The following ARV1 variants were observed in gnomAD, a reference collection of about 807,000 sequenced individuals.
ARV1 encodes the protein protein ARV1.
In ARV1, 26 loss-of-function variants were observed where a neutral mutation model predicts 31.1. The ratio of observed to expected loss-of-function variants is 0.84; its 90% CI spans 0.61 to 1.16. The LOEUF (loss-of-function observed/expected upper bound fraction) is 1.16. Ranked by LOEUF, ARV1 falls within the 50% of genes most tolerant of loss-of-function variation. The pLI, the probability that ARV1 is intolerant of heterozygous loss-of-function variation, is 0.00. For missense variants in ARV1, 281 were observed against 324.9 expected (o/e 0.86, Z 1.04); for synonymous variants, 117 against 123.2 (o/e 0.95, Z 0.34).
At chr1:230,984,360 G>GTA (rs1678995719) in intron 1 of ARV1, among the ~76,000 whole-genome samples, 1 of 51,644 alleles carries the variant, frequency 1.9e-5, no homozygotes. Flanking sequence ...GTGTGTGTGT[G>GTA]TGCGTGTGTG....
Position 230,995,919 on chromosome 1 carries a change from A to C in ARV1, c.608A>C (p.Tyr203Ser). 6.2e-7 allele frequency: 1 copy of C among 1,614,132 alleles called. No homozygotes were observed. Residue 203 changes from tyrosine to serine, a missense_variant, in exon 4 of 6, where the codon TAC (tyrosine) becomes TCC (serine). By Grantham distance (144) the Tyr-to-Ser change is moderately radical (BLOSUM62 -2). Transcript: ENST00000310256. The part of the protein sequence containing the change: ...LIPAVIWEHD[Y>S]TSVCLKLIKV... ...CCAGCTGTCATTTGGGAACATGACTACACATCTGTGTGCCTCAAACTCATT... is the reference window on the plus strand; with the variant it reads ...CCAGCTGTCATTTGGGAACATGACTCCACATCTGTGTGCCTCAAACTCATT...
intron 3 of ARV1, among the ~76,000 whole-genome samples, chr1:230,992,516 T>C (rs1679257815): frequency 6.6e-6 from 1 of 152,264 alleles, no homozygotes; most frequent in African/African-American, 2.4e-5. Flanking sequence ...CTTTTGTTAG[T>C]GCCTTTCCCC....
At chr1:230,995,076 C>A (rs1180210678) in intron 3 of ARV1, among the ~76,000 whole-genome samples, 1 of 152,132 alleles carries the variant, frequency 6.6e-6, no homozygotes, top group Non-Finnish European at 1.5e-5. Context: ...GACTAACAAT[C>A]CTAATAAAAA....
intron 5 of ARV1, among the ~76,000 whole-genome samples, chr1:230,998,102 T>C (rs1224819374): frequency 1.3e-5 from 2 of 152,312 alleles, no homozygotes; most frequent in Non-Finnish European, 2.9e-5. Flanking sequence ...CATGTTGTGC[T>C]CAGCTTCCTC....
rs1426552240 is a variant in ARV1, at chr1:230,979,191, C to G, written c.86C>G (p.Ser29Cys). 2.5e-6 allele frequency: 4 copies of G among 1,613,312 alleles called. No individual in the cohort carries two copies. Among genetic ancestry groups the G allele is most frequent in the South Asian group, 2.2e-5 (2 of 90,952 alleles). ...GCGACTCCTACTGCTGCCTCGGCCTCCTGCCAGTACAGGTGCATCGAATGC... is the reference window on the plus strand; with the variant it reads ...GCGACTCCTACTGCTGCCTCGGCCTGCTGCCAGTACAGGTGCATCGAATGC... ...VAATPTAASA[S>C]CQYRCIECNQ... The change falls in exon 1 of 6, where the codon TCC (serine) becomes TGC (cysteine). Residue 29 changes from serine to cysteine, a missense_variant. Ser to Cys is a moderately radical substitution (Grantham distance 112). Coordinates refer to ENST00000310256, the MANE Select transcript of ARV1 (RefSeq NM_022786.3).
intron 5 of ARV1, among the ~76,000 whole-genome samples, chr1:230,998,824 T>C (rs1228885131): frequency 6.6e-6 from 1 of 152,068 alleles, no homozygotes; most frequent in Non-Finnish European, 1.5e-5. Context: ...GGTAGGATGA[T>C]TGCTTGAGCC....
In ARV1 at chr1:230,979,127, G is replaced by C. The variant is rs980353688; in HGVS notation, c.22G>C (p.Gly8Arg). 1.2e-6 allele frequency: 2 copies of C among 1,604,432 alleles called. No individual in the cohort carries two copies. Among genetic ancestry groups the C allele is most frequent in the Non-Finnish European group, 1.7e-6 (2 of 1,176,830 alleles). ...GGAAATGGGCAACGGCGGGCGGAGCGGCCTGCAGCAGGGGAAGGGGAACGT... is the reference window on the plus strand; with the variant it reads ...GGAAATGGGCAACGGCGGGCGGAGCCGCCTGCAGCAGGGGAAGGGGAACGT... MGNGGRSGLQQGKGNVDG... is the reference protein window; with the variant it reads MGNGGRSRLQQGKGNVDG... Residue 8 changes from glycine to arginine, a missense_variant, in exon 1 of 6, where the codon GGC becomes CGC. By Grantham distance (125) the Gly-to-Arg change is moderately radical. Coordinates refer to ENST00000310256, the MANE Select transcript of ARV1 (RefSeq NM_022786.3).
At chr1:230,984,363 C>CGCGTGCGTGTGTGTGTGTGTGTGTGT (rs1191353620) in intron 1 of ARV1, among the ~76,000 whole-genome samples, 1 of 129,762 alleles carries the variant, frequency 7.7e-6, no homozygotes, top group Non-Finnish European at 1.6e-5. Context: ...TGTGTGTGTG[C>CGCGTGCGTGTGTGTGTGTGTGTGTGT]GTGTGTGTGT....
rs1277866090 is a variant in ARV1 at position 231,000,712 on chromosome 1, A to G, written c.*579A>G. 2 of 152,236 alleles carry G rather than the reference A, an allele frequency of 1.3e-5. No homozygotes were observed. Among genetic ancestry groups the G allele is most frequent in the Middle Eastern group, 3.2e-3 (1 of 316 alleles). 9.4% of individuals were successfully genotyped at this position (152,236 alleles called of 1,614,324 possible). A position where few individuals can be genotyped will look rare whatever the true frequency, so the allele number is the denominator to read the frequency against. Reference sequence around the variant, plus strand: ...CTTTGCAAGGGTAAATTACATCTGAATAAAGCTGTAATTAAAAACAACACC... The same window carrying G: ...CTTTGCAAGGGTAAATTACATCTGAGTAAAGCTGTAATTAAAAACAACACC... On this transcript the variant is annotated 3_prime_UTR_variant, in exon 6 of 6. Transcript: ENST00000310256.
At chr1:230,994,186 C>T (rs746305651) in intron 3 of ARV1, among the ~76,000 whole-genome samples, 33 of 152,162 alleles carry the variant, frequency 2.2e-4, no homozygotes, top group Non-Finnish European at 4.0e-4. Context: ...AGCCTGAGGG[C>T]TGGTGTAGTT....
At chr1:231,000,728 AAAC>A (rs1424200884) in exon 6 of ARV1, 1 of 152,228 alleles carries the variant, frequency 6.6e-6, no homozygotes, top group Admixed American at 6.5e-5. Context: ...CTGTAATTAA[AAAC>A]AACACCTCTC....
chr1:230,990,346 T>C lies in ARV1; in HGVS notation c.448+83T>C, dbSNP rs145879258. On this transcript the variant is annotated intron_variant, in intron 3 of 5. Transcript: ENST00000310256. ...TTAAAACTAAGACATGTAGTCTTAATTGTTGGTAAGAAGAGCTAGTTAATA... is the reference window on the plus strand; with the variant it reads ...TTAAAACTAAGACATGTAGTCTTAACTGTTGGTAAGAAGAGCTAGTTAATA... The C allele has an allele frequency of 2.6e-4, 394 of 1,537,426 alleles. 1 individual carries two copies. In the African/African-American group the frequency reaches 4.4e-3, roughly 17 times the overall value.
chr1:230,990,600 G>T, intron 3 of ARV1: 1 of 299,356 alleles, frequency 3.3e-6, no homozygotes, highest in South Asian at 3.0e-5. Context: ...TGTTGCCTAG[G>T]CTGGAGTGCA....
chr1:230,993,367 A>T lies in ARV1; in HGVS notation c.449-2393A>T, dbSNP rs117332382. ...CATATGGGCCTCCCAAAGTGCTGAG[A>T]CTGCAGGCATCAGCCACTGTTCCTG... On this transcript the variant is annotated intron_variant, in intron 3 of 5. Transcript: ENST00000310256. 1.1e-3 allele frequency among the ~76,000 whole-genome samples: 166 copies of T among 152,316 alleles called. 3 individuals carry two copies. In the East Asian group the frequency reaches 0.03, roughly 28 times the overall value.
At chr1:230,997,581 C>A (rs1679405665) in intron 5 of ARV1, among the ~76,000 whole-genome samples, 1 of 152,140 alleles carries the variant, frequency 6.6e-6, no homozygotes, top group Non-Finnish European at 1.5e-5. Context: ...GTCTCCTACC[C>A]TTCCCAACCA....
At chr1:230,986,666 CTATT>C (rs1283380727) in intron 1 of ARV1, among the ~76,000 whole-genome samples, 242 of 79,690 alleles carry the variant, frequency 3.0e-3, no homozygotes, top group East Asian at 6.9e-3. Flanking sequence ...AATACTTTTC[CTATT>C]TTTTTTTTTT....
Position 230,979,099 on chromosome 1 carries a change from A to G in ARV1, c.-7A>G. The G allele has an allele frequency of 6.2e-7, 1 of 1,606,206 alleles. No individual in the cohort carries two copies. Among genetic ancestry groups the G allele is most frequent in the Non-Finnish European group, 8.5e-7 (1 of 1,176,930 alleles). On this transcript the variant is annotated 5_prime_UTR_variant, in exon 1 of 6. Transcript: ENST00000310256. ...AATCGGAAGTTCTGGACTGCAGTTG[A>G]GTGGAAATGGGCAACGGCGGGCGGA...
chr1:230,984,843 A>G (rs1679019754), intron 1 of ARV1, among the ~76,000 whole-genome samples: 2 of 152,236 alleles, frequency 1.3e-5, no homozygotes, highest in African/African-American at 4.8e-5. Flanking sequence ...CACGAACTCA[A>G]GGTTTTATGT....
chr1:230,990,493 G>A (rs192222997), intron 3 of ARV1: 47 of 434,446 alleles, frequency 1.1e-4, no homozygotes, highest in Middle Eastern at 6.2e-4. Flanking sequence ...TATGCTTATC[G>A]GATTAGAAAG....
Sources: gnomAD v4.1 joint callset for allele counts (sites outside exome capture counted in the v4.1 genomes callset) on GRCh38, gnomAD v4.1.1 for gene constraint, MANE v1.5 for transcripts, NCBI Gene and HGNC (gene_info 2026-07-23, HGNC 2026-07-21) for gene names.